The following NBPF26 variants were observed in gnomAD, a reference collection of about 807,000 sequenced individuals.
The protein encoded by NBPF26 is NBPF member 26.
A neutral mutation model predicts 119.6 loss-of-function variants in NBPF26; 79 were observed. The observed-to-expected ratio is 0.66, with a 90% CI of 0.55 to 0.80. NBPF26 has a LOEUF of 0.80. Ranked by LOEUF, NBPF26 falls within the 30% of genes least tolerant of loss-of-function variation. The pLI is 0.00. For synonymous variants in NBPF26, 299 were observed against 457.7 expected (o/e 0.65, Z 4.43); for missense variants, 800 against 1,198.2 (o/e 0.67, Z 4.91).
In NBPF26 at chr1:120,838,489, G is replaced by C. The variant is rs1353325598; in HGVS notation, c.3822-256G>C. The stretch of plus-strand genomic sequence containing the variant: ...GTCACCTGGACAATTCACTGAGCTC[G>C]TTCTCTCTCTCTCTCTCTCTGTGTG... On this transcript the variant is annotated intron_variant, in intron 27 of 29. Transcript: ENST00000620612. Among the ~76,000 whole-genome samples the C allele has an allele frequency of 1.3e-3, 79 of 61,700 alleles. 1 individual carries two copies. The highest frequency in any genetic ancestry group is 6.2e-3 in the African/African-American group (75 of 12,094). 40.5% of individuals were successfully genotyped at this position (61,700 alleles called of 152,430 possible). A position where few individuals can be genotyped will look rare whatever the true frequency, so the allele number is the denominator to read the frequency against.
Position 120,778,068 on chromosome 1 carries a change from C to T in NBPF26, c.156-6906C>T, listed in dbSNP as rs1465146135. Among the ~76,000 whole-genome samples the T allele has an allele frequency of 4.2e-4, 38 of 91,186 alleles. 1 individual carries two copies. The highest frequency in any genetic ancestry group is 3.3e-4 in the African/African-American group (4 of 12,086). 59.8% of individuals were successfully genotyped at this position (91,186 alleles called of 152,430 possible). ...AGCTAGCCTTGGCTGTTAGCAATTA[C>T]TTTTATCTACTTTAACAGGGGGGAC... is the stretch of plus-strand genomic sequence containing the variant. On this transcript the variant is annotated intron_variant, in intron 2 of 29. Coordinates refer to ENST00000620612, the Ensembl canonical transcript of NBPF26.
At chr1:120,832,401 A>G (rs1652359549) in intron 22 of NBPF26, among the ~76,000 whole-genome samples, 1 of 102,894 alleles carries the variant, frequency 9.7e-6, no homozygotes, top group South Asian at 3.2e-4. Flanking sequence ...TCCTGTTCTC[A>G]TGACATTGGA....
At chr1:120,724,794 A>G (rs1234513736) in intron 1 of NBPF26, among the ~76,000 whole-genome samples, 1 of 101,894 alleles carries the variant, frequency 9.8e-6, no homozygotes, top group African/African-American at 5.5e-5. Flanking sequence ...GGCGCGCCTG[A>G]GTTTTGACAC....
At chr1:120,840,242 A>T (rs77928787) in intron 29 of NBPF26, 108 bp from the exon 36 acceptor site, 48,726 of 1,409,284 alleles carry the variant, frequency 0.035, 10,311 homozygotes, top group African/African-American at 0.15. Flanking sequence ...TAATGGATCT[A>T]TCCTTTTTCT....
At chr1:120,840,682 A>T (rs1194509058), downstream of NBPF26, 2 of 1,391,230 alleles carry the variant, frequency 1.4e-6, 1 homozygote, top group Non-Finnish European at 1.9e-6. Context: ...TTCCATTTGG[A>T]AGCCCAGACA....
chr1:120,727,790 T>G (rs1650831592), intron 1 of NBPF26, among the ~76,000 whole-genome samples: 1 of 118,146 alleles, frequency 8.5e-6, no homozygotes, highest in Non-Finnish European at 1.6e-5. Flanking sequence ...GCTTTCCTGA[T>G]TTTCCTGTTT....
chr1:120,805,393 C>T lies in NBPF26; in HGVS notation c.752-163C>T, dbSNP rs1553269617. The stretch of plus-strand genomic sequence containing the variant: ...CAGCTCTGAGTTGAGGCACCTCGAA[C>T]CTTGTTTTTGTGGTGAAGGATCCTA... On this transcript the variant is annotated intron_variant, in intron 4 of 29. Transcript: ENST00000620612. 17 of 1,153,056 alleles carry T rather than the reference C, an allele frequency of 1.5e-5. 4 individuals carry two copies. In the Admixed American group the frequency reaches 2.6e-4, roughly 18 times the overall value. The allele number at this position is 1,153,056 out of a possible 1,614,324, so 71.4% of individuals were successfully genotyped here.
chr1:120,794,150 T>A (rs1361872505), intron 4 of NBPF26, among the ~76,000 whole-genome samples: 1 of 114,656 alleles, frequency 8.7e-6, no homozygotes, highest in East Asian at 2.1e-4. Flanking sequence ...AGAGACTATG[T>A]GTGGCACAAT....
rs1227836804 is a variant in NBPF26 at position 120,790,214 on chromosome 1, C to T, written c.416-2947C>T. The stretch of plus-strand genomic sequence containing the variant: ...TATTTTTAGTAGAGATGGGCTTTCA[C>T]CTTGTTAGCCAGAATGGTCTGGATC... On this transcript the variant is annotated intron_variant, in intron 3 of 29. Transcript: ENST00000620612. Among the ~76,000 whole-genome samples, 5 of 104,814 alleles carry T rather than the reference C, an allele frequency of 4.8e-5. 1 individual carries two copies. Among genetic ancestry groups the T allele is most frequent in the East Asian group, 2.3e-4 (1 of 4,350 alleles). 68.8% of individuals were successfully genotyped at this position (104,814 alleles called of 152,430 possible).
chr1:120,735,270 G>A (rs1157407061), intron 1 of NBPF26, among the ~76,000 whole-genome samples: 1 of 46,614 alleles, frequency 2.1e-5, no homozygotes, highest in Admixed American at 2.0e-4. Flanking sequence ...TCTCTATGTT[G>A]GGCAGGCTGG....
At chr1:120,806,265 T>C (rs1192637913) in intron 5 of NBPF26, among the ~76,000 whole-genome samples, 2 of 121,718 alleles carry the variant, frequency 1.6e-5, no homozygotes, top group East Asian at 4.0e-4. Flanking sequence ...CTGCTCCTAA[T>C]AGAACCTGTG....
intron 1 of NBPF26, among the ~76,000 whole-genome samples, chr1:120,729,048 A>G (rs1317929826): frequency 2.6e-5 from 3 of 115,638 alleles, no homozygotes; most frequent in Non-Finnish European, 4.9e-5. Flanking sequence ...TAGTCACAGC[A>G]TCTATGACTC....
chr1:120,825,306 C>A (rs1342513462), intron 18 of NBPF26, among the ~76,000 whole-genome samples: 2 of 122,480 alleles, frequency 1.6e-5, no homozygotes, highest in East Asian at 4.1e-4. Flanking sequence ...TCTCCTCTCT[C>A]TCTCTCTCCC....
intron 5 of NBPF26, 131 bp downstream of exon 5, chr1:120,805,896 T>A: frequency 1.4e-6 from 1 of 696,638 alleles, no homozygotes; most frequent in East Asian, 2.6e-5. Flanking sequence ...AAATGGGTAT[T>A]TTAACATTTT....
Position 120,805,749 on chromosome 1 carries a change from C to G in NBPF26, c.945C>G (p.Asn315Lys), listed in dbSNP as rs1553269803. ...CTCAACTGGCCGGCTTCCTGGCCAA[C>G]CGACAGAAGAAATACAGTAAGATCT... Residue 315 changes from asparagine to lysine, a missense_variant, in exon 5 of 30, where the codon AAC becomes AAG. Physicochemically the swap from Asn to Lys is moderately conservative, Grantham distance 94. Transcript: ENST00000620612. 7.7e-6 allele frequency: 11 copies of G among 1,426,244 alleles called. 4 individuals carry two copies. In the African/African-American group the frequency reaches 2.2e-4, roughly 28 times the overall value. The allele number at this position is 1,426,244 out of a possible 1,614,324, so 88.3% of individuals were successfully genotyped here.
intron 15 of NBPF26, among the ~76,000 whole-genome samples, chr1:120,820,386 G>A (rs1652103011): frequency 2.2e-5 from 1 of 45,904 alleles, no homozygotes; most frequent in Non-Finnish European, 4.1e-5. Flanking sequence ...ATGTGGACAT[G>A]TATACATATG....
At chr1:120,840,578 C>G in exon 30 of NBPF26, 1 of 1,464,348 alleles carries the variant, frequency 6.8e-7, no homozygotes, top group Non-Finnish European at 9.2e-7. Context: ...AGATGGGAGT[C>G]ATATTCCCAC....
rs1231262928 is a variant in NBPF26 at position 120,745,288 on chromosome 1, G to A, written c.74-18340G>A. Among the ~76,000 whole-genome samples, 5 of 96,514 alleles carry A rather than the reference G, an allele frequency of 5.2e-5. 2 individuals are homozygous for A. Among genetic ancestry groups the A allele is most frequent in the African/African-American group, 2.7e-4 (4 of 14,764 alleles). 63.3% of individuals were successfully genotyped at this position (96,514 alleles called of 152,430 possible). Reference sequence around the variant, plus strand: ...GTAGGTCTCCAACAGCACTTTGGGGGAAAAAAGGGTAGAATAGAGAGTATC... The same window carrying A: ...GTAGGTCTCCAACAGCACTTTGGGGAAAAAAAGGGTAGAATAGAGAGTATC... On this transcript the variant is annotated intron_variant, in intron 1 of 29. Coordinates refer to ENST00000620612, the Ensembl canonical transcript of NBPF26.
rs1651512884 is a variant in NBPF26, at chr1:120,793,233, C to T, written c.488C>T (p.Ala163Val). Residue 163 changes from alanine (A) to valine (V), a missense_variant, in exon 4 of 30, where the codon GCC becomes GTC. Ala to Val is a moderately conservative substitution (Grantham distance 64). Transcript: ENST00000620612. Reference sequence around the variant, plus strand: ...AATGGAAGTACCTGTACCACTGTGGCCAACCAGTTCTCCTGCAAATGCCTC... The same window carrying T: ...AATGGAAGTACCTGTACCACTGTGGTCAACCAGTTCTCCTGCAAATGCCTC... The T allele has an allele frequency of 2.1e-5, 30 of 1,440,694 alleles. 7 individuals are homozygous for T. The South Asian group carries it at 3.0e-4, about 14-fold the overall frequency. The allele number at this position is 1,440,694 out of a possible 1,614,324, so 89.2% of individuals were successfully genotyped here. A position where few individuals can be genotyped will look rare whatever the true frequency, so the allele number is the denominator to read the frequency against.
Sources: gnomAD v4.1 joint callset for allele counts (sites outside exome capture counted in the v4.1 genomes callset) on GRCh38, gnomAD v4.1.1 for gene constraint, MANE v1.5 for transcripts, NCBI Gene and HGNC (gene_info 2026-07-23, HGNC 2026-07-21) for gene names.